Variants in CEP20 observed in about 807,000 individuals in gnomAD.
The protein encoded by CEP20 is FGFR1OP N-terminal like.
In CEP20, 18 loss-of-function variants were observed where a neutral mutation model predicts 20.0. The ratio of observed to expected loss-of-function variants is 0.90; its 90% CI spans 0.62 to 1.34. CEP20 has a LOEUF of 1.34. Among genes scored for constraint, CEP20 ranks in the 40% most tolerant of loss-of-function variants. The pLI is 0.00. For synonymous variants in CEP20, 77 were observed against 73.7 expected (o/e 1.04, Z -0.23); for missense variants, 215 against 201.6 (o/e 1.07, Z -0.40).
At chr16:15,872,983 A>C (rs2044856899) in intron 4 of CEP20, among the ~76,000 whole-genome samples, 1 of 152,078 alleles carries the variant, frequency 6.6e-6, no homozygotes, top group Non-Finnish European at 1.5e-5. Flanking sequence ...AAAAAAAATA[A>C]TCACTTGATA....
At chr16:15,886,750 G>A (rs953875913) in intron 1 of CEP20, among the ~76,000 whole-genome samples, 1 of 152,138 alleles carries the variant, frequency 6.6e-6, no homozygotes, top group African/African-American at 2.4e-5. Context: ...GTAACTGGCT[G>A]GCAAACAAGT....
At position 15,877,832 on chromosome 16, in the gene CEP20, AT is replaced by A. The variant is rs1361736297; in HGVS notation, c.311+1971del. ...CACTTTGGGAGGTGGAGGTGGGCAG[AT>A]CACTTGAGGCCAGGAGTTCGAGACC... is the stretch of plus-strand genomic sequence containing the variant. On this transcript the variant is annotated intron_variant, in intron 3 of 4. Transcript: ENST00000255759. 3.1e-4 allele frequency among the ~76,000 whole-genome samples: 41 copies of A among 132,124 alleles called. No homozygotes were observed. The East Asian group carries it at 0.012, about 40-fold the overall frequency. The allele number at this position is 132,124 out of a possible 152,430, so 86.7% of individuals were successfully genotyped here.
At chr16:15,880,182 T>C (rs2045066003) in intron 2 of CEP20, among the ~76,000 whole-genome samples, 1 of 152,200 alleles carries the variant, frequency 6.6e-6, no homozygotes, top group Non-Finnish European at 1.5e-5. Flanking sequence ...GGAAGTCTGT[T>C]TATCAATAAC....
intron 2 of CEP20, among the ~76,000 whole-genome samples, chr16:15,883,277 T>G (rs2045154963): frequency 6.6e-6 from 1 of 152,066 alleles, no homozygotes. Context: ...GCAGGAAGAC[T>G]GCTTGAGCCC....
At chr16:15,886,175 TAA>T (rs1466359413) in intron 1 of CEP20, 1 of 152,206 alleles carries the variant, frequency 6.6e-6, no homozygotes, top group South Asian at 2.1e-4. Context: ...CAAAAATCCA[TAA>T]AGAGAGCCCA....
chr16:15,876,094 A>G lies in CEP20; in HGVS notation c.312-2467T>C, dbSNP rs1027167466. On this transcript the variant is annotated intron_variant, in intron 3 of 4. Coordinates refer to ENST00000255759, the MANE Select transcript of CEP20 (RefSeq NM_144600.4). Reference sequence around the variant, plus strand: ...AAAAAAAAAAAAAGAGAAAGAAAATATTAATGTGATTGTGGAATACTACTT... The same window carrying G: ...AAAAAAAAAAAAAGAGAAAGAAAATGTTAATGTGATTGTGGAATACTACTT... 2.6e-5 allele frequency among the ~76,000 whole-genome samples: 4 copies of G among 151,348 alleles called. No individual in the cohort carries two copies. The East Asian group carries it at 5.8e-4, about 22-fold the overall frequency.
chr16:15,888,598 G>C lies in CEP20; in HGVS notation c.-13C>G. Reference sequence around the variant, plus strand: ...CCACAGTCGCCATTTTTCAACGGCCGCCAGGGCCGCACCGCGGCCCTGCGC... The same window carrying C: ...CCACAGTCGCCATTTTTCAACGGCCCCCAGGGCCGCACCGCGGCCCTGCGC... On this transcript the variant is annotated 5_prime_UTR_variant, in exon 1 of 5. Coordinates refer to ENST00000255759, the MANE Select transcript of CEP20 (RefSeq NM_144600.4). 4 of 1,613,938 alleles carry C rather than the reference G, an allele frequency of 2.5e-6. No individual in the cohort carries two copies. Among genetic ancestry groups the C allele is most frequent in the Non-Finnish European group, 3.4e-6 (4 of 1,179,936 alleles).
rs575525170 is a variant in CEP20 at position 15,870,965 on chromosome 16, C to T, written c.448+2526G>A. Reference sequence around the variant, plus strand: ...TATTTAAATACACAGAAATGAGTCCCGAAGGGGCTGGGCATGGCCAGATGC... The same window carrying T: ...TATTTAAATACACAGAAATGAGTCCTGAAGGGGCTGGGCATGGCCAGATGC... On this transcript the variant is annotated intron_variant, in intron 4 of 4. Coordinates refer to ENST00000255759, the MANE Select transcript of CEP20 (RefSeq NM_144600.4). Among the ~76,000 whole-genome samples the T allele has an allele frequency of 3.3e-5, 5 of 152,246 alleles. No homozygotes were observed. In the South Asian group the frequency reaches 6.2e-4, roughly 19 times the overall value.
At chr16:15,876,682 A>G (rs1202970349) in intron 3 of CEP20, among the ~76,000 whole-genome samples, 2 of 152,114 alleles carry the variant, frequency 1.3e-5, no homozygotes, top group African/African-American at 4.8e-5. Flanking sequence ...CAGATGCAGC[A>G]CTGCAGATCT....
At chr16:15,870,330 C>G (rs147890792) in intron 4 of CEP20, among the ~76,000 whole-genome samples, 78 of 152,252 alleles carry the variant, frequency 5.1e-4, no homozygotes, top group African/African-American at 1.9e-3. Context: ...ACAATATCCA[C>G]TGGTGACAAC....
intron 1 of CEP20, chr16:15,886,104 C>T (rs560892028): frequency 1.1e-4 from 17 of 152,312 alleles, no homozygotes; most frequent in African/African-American, 3.6e-4. Flanking sequence ...ACTGGGAAAT[C>T]AATGTAGTTT....
chr16:15,870,888 C>A (rs143531517), intron 4 of CEP20, among the ~76,000 whole-genome samples: 1 of 151,922 alleles, frequency 6.6e-6, no homozygotes, highest in African/African-American at 2.4e-5. Flanking sequence ...CACGTATCAA[C>A]AAGTAAAAAA....
At chr16:15,883,832 T>C (rs1321746713) in intron 2 of CEP20, among the ~76,000 whole-genome samples, 176 bp downstream of exon 2, 1 of 152,236 alleles carries the variant, frequency 6.6e-6, no homozygotes, top group East Asian at 1.9e-4. Flanking sequence ...TATTTAGTTA[T>C]GTATTTTCTC....
chr16:15,881,751 A>G (rs2045102643), intron 2 of CEP20, among the ~76,000 whole-genome samples: 1 of 152,156 alleles, frequency 6.6e-6, no homozygotes, highest in Non-Finnish European at 1.5e-5. Context: ...TTTAAAAGTC[A>G]GCAGAAGATA....
intron 3 of CEP20, among the ~76,000 whole-genome samples, chr16:15,878,769 G>A (rs748592699): frequency 1.3e-5 from 2 of 152,198 alleles, no homozygotes; most frequent in South Asian, 2.1e-4. Flanking sequence ...GAAGTGCTGG[G>A]ACTACAGGCA....
intron 2 of CEP20, among the ~76,000 whole-genome samples, chr16:15,882,759 CTATCTATCTATCTATCTATCT>C (rs1305426526): frequency 7.9e-4 from 99 of 124,530 alleles, no homozygotes; most frequent in African/African-American, 3.0e-3. Context: ...ATCTATCTAT[CTATCTATCTATCTATCTATCT>C]AGATACACAC....
At chr16:15,879,427 C>T (rs1212908001) in intron 3 of CEP20, among the ~76,000 whole-genome samples, 1 of 152,116 alleles carries the variant, frequency 6.6e-6, no homozygotes, top group Non-Finnish European at 1.5e-5. Context: ...GCAGGAAGAT[C>T]ACTTGAGGTC....
chr16:15,873,020 G>A (rs2044857686), intron 4 of CEP20, among the ~76,000 whole-genome samples: 1 of 151,646 alleles, frequency 6.6e-6, no homozygotes, highest in Non-Finnish European at 1.5e-5. Flanking sequence ...GTATACCAAG[G>A]ATCTAAGCTG....
At chr16:15,881,185 A>G (rs1312666499) in intron 2 of CEP20, among the ~76,000 whole-genome samples, 3 of 152,158 alleles carry the variant, frequency 2.0e-5, no homozygotes, top group Non-Finnish European at 4.4e-5. Flanking sequence ...GCATTTGACT[A>G]AAGTACAGAA....
Sources: allele counts gnomAD v4.1 joint callset (sites outside exome capture counted in the v4.1 genomes callset), GRCh38; gene constraint gnomAD v4.1.1; transcripts MANE v1.5; gene names NCBI Gene and HGNC (gene_info 2026-07-23, HGNC 2026-07-21).